GMPS: variants seen among roughly 807,000 people sequenced by gnomAD.
The protein encoded by GMPS is GMP synthase [glutamine-hydrolyzing].
GMPS carries 15 observed loss-of-function variants against 77.9 expected under a neutral mutation model. That is an observed-to-expected ratio of 0.19 (90% CI 0.13 to 0.30). The LOEUF (loss-of-function observed/expected upper bound fraction) is 0.30, where lower values mean the gene tolerates loss of function less well. GMPS is among the 10% of genes least tolerant of loss of function. The pLI is 1.00. For missense variants in GMPS, 590 were observed against 838.8 expected (o/e 0.70, Z 3.66); for synonymous variants, 224 against 275.9 (o/e 0.81, Z 1.86).
At chr3:155,882,646 C>T (rs1754237993) in intron 1 of GMPS, among the ~76,000 whole-genome samples, 1 of 152,118 alleles carries the variant, frequency 6.6e-6, no homozygotes, top group African/African-American at 2.4e-5. Flanking sequence ...AATTTAAAAT[C>T]CAATATATTT....
At chr3:155,900,298 A>C (rs1401997945) in intron 3 of GMPS, among the ~76,000 whole-genome samples, 3 of 151,756 alleles carry the variant, frequency 2.0e-5, no homozygotes, top group Non-Finnish European at 4.4e-5. Flanking sequence ...GCAAAAAGAA[A>C]GATTTTTTTC....
chr3:155,871,492 C>T (rs1753904200), intron 1 of GMPS, among the ~76,000 whole-genome samples: 1 of 152,222 alleles, frequency 6.6e-6, no homozygotes, highest in South Asian at 2.1e-4. Flanking sequence ...CTGGACGAAC[C>T]CCTCGGAGCT....
intron 5 of GMPS, among the ~76,000 whole-genome samples, chr3:155,909,980 C>A (rs1334552895): frequency 1.1e-4 from 17 of 152,056 alleles, no homozygotes; most frequent in Admixed American, 1.0e-3. Context: ...CGCAGTGGCT[C>A]ACGCCTGTAA....
chr3:155,910,724 G>A lies in GMPS; in HGVS notation c.559G>A (p.Ala187Thr). 1 of 1,598,772 alleles carries A rather than the reference G, an allele frequency of 6.3e-7. No homozygotes were observed. The highest frequency in any genetic ancestry group is 8.5e-7 in the Non-Finnish European group (1 of 1,173,648). ...IANESKKLYGAQFHPEVGLTE... is the reference protein window; with the variant it reads ...IANESKKLYGTQFHPEVGLTE... ...AAATGAATCTAAAAAGTTATATGGA[G>A]CACAGTTCCACCCTGAAGTTGGCCT... Residue 187 changes from alanine (A) to threonine (T), a missense_variant, in exon 6 of 16, where the codon GCA becomes ACA. This residue lies in a region of GMPS where 136 missense variants were observed against 225.6 expected (regional missense o/e 0.60). Transcript: ENST00000496455.
rs532188962 is a variant in GMPS at position 155,907,541 on chromosome 3, G to A, written c.526+1278G>A. On this transcript the variant is annotated intron_variant, in intron 5 of 15. Transcript: ENST00000496455. ...GAGATCATGACTGCGGTGAGCTGTG[G>A]TTGTGCCCCTACACTCCATCCTGGG... 5.3e-5 allele frequency among the ~76,000 whole-genome samples: 8 copies of A among 152,172 alleles called. No homozygotes were observed. The South Asian group carries it at 1.7e-3, about 32-fold the overall frequency.
chr3:155,910,798 T>C lies in GMPS; in HGVS notation c.633T>C (p.Ala211=). ...VILKNFLYDI[A]GCSGTFTVQN... ...TGAAGAATTTCCTTTATGATATAGC[T>C]GGATGCAGTGGAACCTTCACCGTGC... Residue 211 remains alanine (A), a synonymous_variant, in exon 6 of 16, where the codon GCT becomes GCC. Transcript: ENST00000496455. 1 of 1,612,038 alleles carries C rather than the reference T, an allele frequency of 6.2e-7. No individual in the cohort carries two copies. The highest frequency in any genetic ancestry group is 8.5e-7 in the Non-Finnish European group (1 of 1,178,420).
chr3:155,934,926 A>G lies in GMPS; in HGVS notation c.1687A>G (p.Ile563Val), dbSNP rs1755723461. 5 of 1,573,186 alleles carry G rather than the reference A, an allele frequency of 3.2e-6. No homozygotes were observed. Among genetic ancestry groups the G allele is most frequent in the Admixed American group, 1.7e-5 (1 of 59,842 alleles). ...MCHNVNRVVY[I>V]FGPPVKEPPT... is the part of the protein sequence containing the mutation. ...CCTCTTTGTTTCCAGAGTTGTTTAT[A>G]TATTTGGCCCACCAGTTAAAGAACC... is the stretch of plus-strand genomic sequence containing the variant. The change falls in exon 14 of 16, where the codon ATA becomes GTA. Residue 563 changes from isoleucine to valine, a missense_variant. Ile to Val is a conservative substitution (Grantham distance 29). Around this residue, in one of 6 missense-constraint regions of GMPS, gnomAD observed 73 missense variants for 170.5 expected, o/e 0.43. Coordinates refer to ENST00000496455, the MANE Select transcript of GMPS (RefSeq NM_003875.3).
chr3:155,876,756 G>A (rs1158053770), intron 1 of GMPS, among the ~76,000 whole-genome samples: 4 of 152,144 alleles, frequency 2.6e-5, no homozygotes, highest in South Asian at 2.1e-4. Context: ...AGTCTAGTGT[G>A]TATACATTAG....
chr3:155,932,334 C>G (rs1577536961), intron 13 of GMPS, among the ~76,000 whole-genome samples: 1 of 151,274 alleles, frequency 6.6e-6, no homozygotes, highest in Non-Finnish European at 1.5e-5. Flanking sequence ...AACAAACAAC[C>G]CCCACTCCAA....
intron 6 of GMPS, 99 bp downstream of exon 6, chr3:155,910,984 T>G: frequency 4.6e-6 from 5 of 1,084,860 alleles, no homozygotes; most frequent in Non-Finnish European, 6.7e-6. Context: ...TTCTACAGTT[T>G]TAGAGTGCTT....
At chr3:155,876,234 G>A (rs1361244412) in intron 1 of GMPS, among the ~76,000 whole-genome samples, 1 of 152,158 alleles carries the variant, frequency 6.6e-6, no homozygotes, top group Non-Finnish European at 1.5e-5. Flanking sequence ...GTGAGGAGTG[G>A]CTGTAACACA....
chr3:155,910,954 C>T lies in GMPS; in HGVS notation c.720+69C>T, dbSNP rs376413750. ...ATATTGGAATCCAGGAGTTAGAGTCCTCAACACAGCCCTTAAATGTTCTAC... is the reference window on the plus strand; with the variant it reads ...ATATTGGAATCCAGGAGTTAGAGTCTTCAACACAGCCCTTAAATGTTCTAC... On this transcript the variant is annotated intron_variant, in intron 6 of 15. Coordinates refer to ENST00000496455, the MANE Select transcript of GMPS (RefSeq NM_003875.3). The T allele has an allele frequency of 3.0e-5, 34 of 1,150,894 alleles. No homozygotes were observed. The East Asian group carries it at 3.1e-4, about 10-fold the overall frequency. The allele number at this position is 1,150,894 out of a possible 1,614,324, so 71.3% of individuals were successfully genotyped here.
chr3:155,919,187 A>G, intron 9 of GMPS, 46 bp from the exon 10 acceptor site: 1 of 784,456 alleles, frequency 1.3e-6, no homozygotes, highest in Non-Finnish European at 2.1e-6. Context: ...TTTCCATGTC[A>G]TCTTGGTTAC....
At chr3:155,874,878 A>G (rs445758) in intron 1 of GMPS, among the ~76,000 whole-genome samples, 119,867 of 147,356 alleles carry the variant, frequency 0.81, 48,901 homozygotes, top group African/African-American at 0.86. Context: ...TTGCTGTTGT[A>G]GTACATTCTT....
chr3:155,873,688 G>GTCGCC (rs1753958769), intron 1 of GMPS, among the ~76,000 whole-genome samples: 1 of 124,346 alleles, frequency 8.0e-6, no homozygotes, highest in Non-Finnish European at 1.6e-5. Flanking sequence ...AGGCTGGAGT[G>GTCGCC]CAGTGGTGTG....
At chr3:155,925,761 G>A (rs1243402379) in intron 12 of GMPS, among the ~76,000 whole-genome samples, 2 of 151,998 alleles carry the variant, frequency 1.3e-5, no homozygotes, top group Non-Finnish European at 2.9e-5. Flanking sequence ...GGGATCAAGA[G>A]GTCATTTATC....
intron 1 of GMPS, 53 bp downstream of exon 1, chr3:155,870,950 G>C (rs1158954905): frequency 7.1e-7 from 1 of 1,405,936 alleles, no homozygotes; most frequent in East Asian, 3.0e-5. Flanking sequence ...GAGGCTCCCG[G>C]ACCGGGGAGC....
chr3:155,889,729 C>G (rs549505784), intron 1 of GMPS, among the ~76,000 whole-genome samples: 1 of 152,122 alleles, frequency 6.6e-6, no homozygotes, highest in African/African-American at 2.4e-5. Context: ...TCTTCTTACC[C>G]TATTCTTAAA....
chr3:155,893,391 A>G (rs1754521289), intron 1 of GMPS, 127 bp from the exon 2 acceptor site: 2 of 604,022 alleles, frequency 3.3e-6, no homozygotes, highest in South Asian at 2.4e-5. Context: ...TTGAATTGGT[A>G]ACTCAGAAAG....
Sources: allele counts gnomAD v4.1 joint callset (sites outside exome capture counted in the v4.1 genomes callset), GRCh38; gene constraint gnomAD v4.1.1; regional missense constraint gnomAD v4.1.1; transcripts MANE v1.5; gene names NCBI Gene and HGNC (gene_info 2026-07-23, HGNC 2026-07-21).